Variants in MTUS1 observed in about 807,000 individuals in gnomAD.
MTUS1 encodes the protein microtubule associated scaffold protein 1.
MTUS1 carries 109 observed loss-of-function variants against 120.8 expected under a neutral mutation model. That is an observed-to-expected ratio of 0.90 (90% CI 0.77 to 1.06). MTUS1 has a LOEUF of 1.06. Ranked by LOEUF, MTUS1 falls within the 50% of genes least tolerant of loss-of-function variation. The pLI is 0.00. For synonymous variants in MTUS1, 737 were observed against 550.5 expected (o/e 1.34, Z -4.74); for missense variants, 2,210 against 1,486.3 (o/e 1.49, Z -8.01).
At chr8:17,656,684 G>C (rs1368552563) in intron 8 of MTUS1, among the ~76,000 whole-genome samples, 1 of 151,906 alleles carries the variant, frequency 6.6e-6, no homozygotes, top group Non-Finnish European at 1.5e-5. Context: ...CCTTGGCCAG[G>C]CAGAGACATT....
Position 17,755,213 on chromosome 8 carries a change from T to C in MTUS1, c.595A>G (p.Ser199Gly). 1 of 1,614,208 alleles carries C rather than the reference T, an allele frequency of 6.2e-7. No homozygotes were observed. Among genetic ancestry groups the C allele is most frequent in the East Asian group, 2.2e-5 (1 of 44,880 alleles). The change falls in exon 2 of 15, where the codon AGT (serine) becomes GGT (glycine). Residue 199 changes from serine (S) to glycine (G), a missense_variant. Coordinates refer to ENST00000693296, the MANE Select transcript of MTUS1 (RefSeq NM_001363059.2). ...SLPPTGRRSG[S>G]TSSLSYSTWT... ...GTGGAATAGGATAAAGAAGATGTAC[T>C]TCCACTTCTCCTACCAGTTGGTGGC...
At chr8:17,772,796 A>G (rs1319687013) in intron 1 of MTUS1, among the ~76,000 whole-genome samples, 1 of 152,190 alleles carries the variant, frequency 6.6e-6, no homozygotes, top group Non-Finnish European at 1.5e-5. Flanking sequence ...TTCTGAAACA[A>G]TCACCTGTAA....
Position 17,715,837 on chromosome 8 carries a change from G to T in MTUS1, c.2514C>A (p.Ser838=), listed in dbSNP as rs1428903442. The change falls in exon 5 of 15, where the codon TCC becomes TCA. Residue 838 remains serine (S), a synonymous_variant. Coordinates refer to ENST00000693296, the MANE Select transcript of MTUS1 (RefSeq NM_001363059.2). ...KPPKPAFQNG[S]SGSFYLKPLV... Reference sequence around the variant, plus strand: ...AAGGCTTCAAATAAAAGGATCCTGAGGAACCATTCTGAAATGCTGGTTTTG... The same window carrying T: ...AAGGCTTCAAATAAAAGGATCCTGATGAACCATTCTGAAATGCTGGTTTTG... The T allele has an allele frequency of 2.5e-6, 4 of 1,613,958 alleles. No individual in the cohort carries two copies. Among genetic ancestry groups the T allele is most frequent in the Non-Finnish European group, 3.4e-6 (4 of 1,179,934 alleles).
rs753554428 is a variant in MTUS1 at position 17,646,006 on chromosome 8, A to ATCTC, written c.3729_3732dup (p.Ser1245GlufsTer21). ...AAAGGGATGGCGGAGGATGTGGGGGATCTCTTGGGGCTACACAGGTCCCCA... is the reference window on the plus strand; with the variant it reads ...AAAGGGATGGCGGAGGATGTGGGGGATCTCTCTCTTGGGGCTACACAGGTCCCCA... On this transcript the variant is annotated frameshift_variant, in exon 15 of 15. Coordinates refer to ENST00000693296, the MANE Select transcript of MTUS1 (RefSeq NM_001363059.2). LOFTEE classifies it high-confidence loss of function. The ATCTC allele has an allele frequency of 1.2e-6, 2 of 1,613,284 alleles. No individual in the cohort carries two copies. Among genetic ancestry groups the ATCTC allele is most frequent in the Non-Finnish European group, 1.7e-6 (2 of 1,179,926 alleles).
chr8:17,713,203 T>C lies in MTUS1; in HGVS notation c.2623+11A>G. The C allele has an allele frequency of 6.3e-7, 1 of 1,590,604 alleles. No individual in the cohort carries two copies. Among genetic ancestry groups the C allele is most frequent in the Non-Finnish European group, 8.6e-7 (1 of 1,162,256 alleles). ...ATTCTTTTTATCGCCATCCATAAAG[T>C]GGTCACTCACCTGCATTAAGAGCTG... On this transcript the variant is annotated intron_variant, in intron 6 of 14. Transcript: ENST00000693296.
intron 6 of MTUS1, among the ~76,000 whole-genome samples, chr8:17,689,653 CA>C (rs1475119495): frequency 6.6e-6 from 1 of 152,064 alleles, no homozygotes; most frequent in Non-Finnish European, 1.5e-5. Context: ...TCTCCTATAG[CA>C]ACCAAAAAAG....
chr8:17,793,762 G>C (rs988892396), intron 1 of MTUS1, among the ~76,000 whole-genome samples: 1 of 152,124 alleles, frequency 6.6e-6, no homozygotes, highest in Non-Finnish European at 1.5e-5. Context: ...TAATGACAAG[G>C]ATGCTTTATA....
intron 13 of MTUS1, among the ~76,000 whole-genome samples, chr8:17,648,915 T>C (rs902084644): frequency 1.3e-5 from 2 of 152,200 alleles, no homozygotes; most frequent in African/African-American, 4.8e-5. Context: ...TCTGCCAACT[T>C]GGTTAGAGTC....
In MTUS1 at chr8:17,754,383, A is replaced by T. The variant is rs1346371870; in HGVS notation, c.1425T>A (p.Cys475Ter). ...PDSKEAPVNL[C>*]KPSLGKSTIK... Reference sequence around the variant, plus strand: ...TTGTTGATTTTCCTAAACTGGGTTTACACAGGTTCACAGGTGCCTCCTTCG... The same window carrying T: ...TTGTTGATTTTCCTAAACTGGGTTTTCACAGGTTCACAGGTGCCTCCTTCG... Residue 475 changes from cysteine (C) to a stop codon, truncating the protein, a stop_gained, in exon 2 of 15, where the codon TGT becomes TGA. Coordinates refer to ENST00000693296, the MANE Select transcript of MTUS1 (RefSeq NM_001363059.2). LOFTEE classifies it high-confidence loss of function. 1 of 1,614,188 alleles carries T rather than the reference A, an allele frequency of 6.2e-7. No homozygotes were observed. Among genetic ancestry groups the T allele is most frequent in the Non-Finnish European group, 8.5e-7 (1 of 1,180,008 alleles).
chr8:17,713,618 C>G (rs1038744693), intron 5 of MTUS1, among the ~76,000 whole-genome samples: 2 of 152,182 alleles, frequency 1.3e-5, no homozygotes, highest in African/African-American at 4.8e-5. Flanking sequence ...AGAGGCCAGA[C>G]TTCACGAAGG....
chr8:17,744,742 C>T (rs537619802), intron 2 of MTUS1, among the ~76,000 whole-genome samples: 15 of 108,768 alleles, frequency 1.4e-4, no homozygotes, highest in Middle Eastern at 0.012. Flanking sequence ...GATGAGGTTT[C>T]GCCATGTTGG....
chr8:17,747,468 G>T (rs900339530), intron 2 of MTUS1, among the ~76,000 whole-genome samples: 3 of 152,114 alleles, frequency 2.0e-5, no homozygotes, highest in Non-Finnish European at 4.4e-5. Flanking sequence ...ATTGATAGAG[G>T]CAGGAGGCAG....
chr8:17,751,974 C>T (rs2048235128), intron 2 of MTUS1, among the ~76,000 whole-genome samples: 2 of 150,924 alleles, frequency 1.3e-5, no homozygotes, highest in Admixed American at 1.3e-4. Flanking sequence ...CAAAGTATTT[C>T]ATATCTAATT....
chr8:17,668,531 T>C (rs1184088780), intron 8 of MTUS1, among the ~76,000 whole-genome samples: 1 of 152,226 alleles, frequency 6.6e-6, no homozygotes, highest in East Asian at 1.9e-4. Flanking sequence ...ACTTTCAAAA[T>C]GATCTGATTA....
intron 1 of MTUS1, among the ~76,000 whole-genome samples, chr8:17,799,973 C>A (rs185405727): frequency 6.6e-6 from 1 of 152,050 alleles, no homozygotes; most frequent in Non-Finnish European, 1.5e-5. Context: ...ACTTTCTACA[C>A]TGTAAAGCAC....
chr8:17,720,944 T>A (rs2045791433), intron 4 of MTUS1, among the ~76,000 whole-genome samples: 1 of 152,130 alleles, frequency 6.6e-6, no homozygotes, highest in African/African-American at 2.4e-5. Flanking sequence ...AATTCCCAAA[T>A]AAGAACAATT....
At chr8:17,789,988 T>C (rs1586425977) in intron 1 of MTUS1, among the ~76,000 whole-genome samples, 1 of 152,090 alleles carries the variant, frequency 6.6e-6, no homozygotes, top group African/African-American at 2.4e-5. Context: ...TACCTCCATT[T>C]CCTCCACTAA....
intron 1 of MTUS1, among the ~76,000 whole-genome samples, chr8:17,769,540 G>C (rs944866093): frequency 6.0e-5 from 9 of 150,914 alleles, no homozygotes; most frequent in Admixed American, 5.9e-4. Flanking sequence ...GTAGAGACGG[G>C]ATTTCACCGC....
chr8:17,711,665 C>A (rs532816033), intron 6 of MTUS1, among the ~76,000 whole-genome samples: 22 of 152,322 alleles, frequency 1.4e-4, no homozygotes, highest in Non-Finnish European at 2.6e-4. Flanking sequence ...TCTTCAAGAA[C>A]TTTTCCTTTC....
Sources: allele counts gnomAD v4.1 joint callset (sites outside exome capture counted in the v4.1 genomes callset), GRCh38; gene constraint gnomAD v4.1.1; transcripts MANE v1.5; gene names NCBI Gene and HGNC (gene_info 2026-07-23, HGNC 2026-07-21).